Variants in ST8SIA6 observed in about 807,000 individuals in gnomAD.
ST8SIA6 encodes ST8 alpha-N-acetyl-neuraminide alpha-2,8-sialyltransferase 6, also known as alpha-2,8-sialyltransferase 8F.
ST8SIA6 carries 39 observed loss-of-function variants against 33.6 expected under a neutral mutation model. That is an observed-to-expected ratio of 1.16 (90% CI 0.90 to 1.52). ST8SIA6 has a LOEUF of 1.52. Among genes scored for constraint, ST8SIA6 ranks in the 40% most tolerant of loss-of-function variants. ST8SIA6 has a pLI of 0.00. For missense variants in ST8SIA6, 441 were observed against 443.8 expected (o/e 0.99, Z 0.06); for synonymous variants, 172 against 167.2 (o/e 1.03, Z -0.22).
At chr10:17,415,373 A>C (rs1358075425) in intron 2 of ST8SIA6, among the ~76,000 whole-genome samples, 1 of 152,188 alleles carries the variant, frequency 6.6e-6, no homozygotes, top group Non-Finnish European at 1.5e-5. Flanking sequence ...TCGCTTCCCC[A>C]GGGTATCTCA....
chr10:17,333,200 C>T (rs1848356984), intron 4 of ST8SIA6, among the ~76,000 whole-genome samples: 1 of 152,092 alleles, frequency 6.6e-6, no homozygotes, highest in African/African-American at 2.4e-5. Context: ...TGAAGGACCT[C>T]TTCAAGGAGA....
At chr10:17,379,202 A>G (rs183851192) in intron 3 of ST8SIA6, among the ~76,000 whole-genome samples, 2 of 152,032 alleles carry the variant, frequency 1.3e-5, no homozygotes, top group African/African-American at 2.4e-5. Context: ...AGAGAAATAC[A>G]GGTACAATAG....
intron 2 of ST8SIA6, among the ~76,000 whole-genome samples, chr10:17,445,315 A>G (rs1164161085): frequency 2.0e-5 from 3 of 152,188 alleles, no homozygotes; most frequent in Non-Finnish European, 4.4e-5. Flanking sequence ...ACGAACAGAC[A>G]CAAGTCTACA....
At chr10:17,352,143 A>T (rs1167033024) in intron 4 of ST8SIA6, among the ~76,000 whole-genome samples, 2 of 152,196 alleles carry the variant, frequency 1.3e-5, no homozygotes, top group Admixed American at 6.5e-5. Flanking sequence ...ACCATATTTT[A>T]TTCCATAAAT....
intron 3 of ST8SIA6, among the ~76,000 whole-genome samples, chr10:17,378,332 G>C (rs569471720): frequency 6.6e-6 from 1 of 152,162 alleles, no homozygotes; most frequent in African/African-American, 2.4e-5. Flanking sequence ...ACAGCTATTT[G>C]TCACTCTCAA....
In ST8SIA6 at chr10:17,318,726, G is replaced by A; in HGVS notation, c.*2152C>T. ...GATGGAGTTTATAGTTTTTCTTTTT[G>A]TTTTGCACTTGGTGAAAAATTTGCA... On this transcript the variant is annotated 3_prime_UTR_variant, in exon 8 of 8. Transcript: ENST00000377602. 2.1e-6 allele frequency: 1 copy of A among 470,610 alleles called. No individual in the cohort carries two copies. The highest frequency in any genetic ancestry group is 4.4e-6 in the Non-Finnish European group (1 of 227,014). The allele number at this position is 470,610 out of a possible 1,614,324, so 29.2% of individuals were successfully genotyped here.
chr10:17,324,928 TG>T (rs1848076058), intron 6 of ST8SIA6, among the ~76,000 whole-genome samples: 1 of 146,142 alleles, frequency 6.8e-6, no homozygotes, highest in Non-Finnish European at 1.5e-5. Context: ...ATATATAATA[TG>T]CATACATATT....
chr10:17,363,771 G>T (rs766781099), intron 3 of ST8SIA6, among the ~76,000 whole-genome samples: 2 of 152,100 alleles, frequency 1.3e-5, no homozygotes, highest in Non-Finnish European at 2.9e-5. Flanking sequence ...AGGTTTCTCT[G>T]CTTCCCCCCT....
chr10:17,324,401 T>C (rs1029378302), intron 6 of ST8SIA6, among the ~76,000 whole-genome samples: 7 of 152,068 alleles, frequency 4.6e-5, no homozygotes, highest in Non-Finnish European at 4.4e-5. Flanking sequence ...ATATCAATAA[T>C]ACATATTCAA....
chr10:17,420,471 G>T (rs1365214785), intron 2 of ST8SIA6, among the ~76,000 whole-genome samples: 12 of 152,084 alleles, frequency 7.9e-5, no homozygotes, highest in Admixed American at 7.2e-4. Context: ...TTTTTGTTAT[G>T]GTGAAAGTCA....
intron 2 of ST8SIA6, among the ~76,000 whole-genome samples, chr10:17,436,547 G>A (rs544499332): frequency 2.0e-4 from 23 of 114,920 alleles, no homozygotes; most frequent in African/African-American, 8.4e-4. Context: ...AACAGTCCCT[G>A]GTGTGTGATG....
intron 2 of ST8SIA6, among the ~76,000 whole-genome samples, chr10:17,451,939 A>C (rs72778952): frequency 6.6e-6 from 1 of 152,196 alleles, no homozygotes; most frequent in African/African-American, 2.4e-5. Context: ...AAGTATGCCA[A>C]GTAGAAAAGA....
chr10:17,358,452 T>C (rs181489916), intron 4 of ST8SIA6, among the ~76,000 whole-genome samples: 17 of 152,276 alleles, frequency 1.1e-4, no homozygotes, highest in African/African-American at 4.1e-4. Flanking sequence ...AGTTTAATGC[T>C]TCAAGTAAAC....
intron 2 of ST8SIA6, among the ~76,000 whole-genome samples, chr10:17,395,963 C>T (rs556752461): frequency 1.3e-5 from 2 of 152,210 alleles, no homozygotes; most frequent in South Asian, 2.1e-4. Flanking sequence ...CAGTTGAGAG[C>T]GCCCCCAAAG....
chr10:17,339,545 T>G (rs1374611012), intron 4 of ST8SIA6, among the ~76,000 whole-genome samples: 2 of 152,226 alleles, frequency 1.3e-5, no homozygotes, highest in East Asian at 3.8e-4. Flanking sequence ...AATGGCCACA[T>G]TTCTTTTTCT....
intron 3 of ST8SIA6, among the ~76,000 whole-genome samples, chr10:17,382,693 C>T (rs75857823): frequency 0.027 from 4,132 of 152,182 alleles, 64 homozygotes; most frequent in South Asian, 0.059. Flanking sequence ...CTTCAGGCCC[C>T]GTACAAGATG....
Position 17,323,151 on chromosome 10 carries a change from G to C in ST8SIA6, c.642C>G (p.Asn214Lys), listed in dbSNP as rs1010739939. ...TAACATCTCCTGTGGTTGGGGGTAG[G>C]TTACACCTGAAATTTGAAAAGAAAA... ...IDKSDFVFRC[N>K]LPPTTGDVSK... The change falls in exon 7 of 8, where the codon AAC becomes AAG. Residue 214 changes from asparagine (N) to lysine (K), a missense_variant. Transcript: ENST00000377602. The C allele has an allele frequency of 1.9e-6, 3 of 1,611,582 alleles. No homozygotes were observed. In the South Asian group the frequency reaches 3.3e-5, roughly 18 times the overall value.
chr10:17,440,170 T>C (rs1248887384), intron 2 of ST8SIA6, among the ~76,000 whole-genome samples: 3 of 152,042 alleles, frequency 2.0e-5, no homozygotes, highest in African/African-American at 7.3e-5. Context: ...TTAGTCAGTT[T>C]TGTAATAGTT....
chr10:17,347,570 T>G (rs1185326838), intron 4 of ST8SIA6, among the ~76,000 whole-genome samples: 1 of 152,002 alleles, frequency 6.6e-6, no homozygotes, highest in Non-Finnish European at 1.5e-5. Flanking sequence ...CTGTGAAATC[T>G]TTGGAAAGAA....
Sources: gnomAD v4.1 joint callset for allele counts (sites outside exome capture counted in the v4.1 genomes callset) on GRCh38, gnomAD v4.1.1 for gene constraint, MANE v1.5 for transcripts, NCBI Gene and HGNC (gene_info 2026-07-23, HGNC 2026-07-21) for gene names.